Variants in EMC2 observed in about 807,000 individuals in gnomAD.
EMC2 encodes ER membrane protein complex subunit 2, also known as TPR repeat protein 35.
In EMC2, 37 loss-of-function variants were observed where a neutral mutation model predicts 51.6. The observed-to-expected ratio is 0.72, with a 90% CI of 0.55 to 0.94. The LOEUF is 0.94. EMC2 is among the 40% of genes least tolerant of loss of function. The probability of loss-of-function intolerance (pLI) is 0.00; values close to 1 mark genes in which losing one functional copy is unlikely to be tolerated. For missense variants in EMC2, 359 were observed against 350.9 expected (o/e 1.02, Z -0.18); for synonymous variants, 131 against 112.4 (o/e 1.17, Z -1.04).
intron 5 of EMC2, among the ~76,000 whole-genome samples, chr8:108,466,448 T>A (rs1198596215): frequency 2.0e-5 from 1 of 50,074 alleles, no homozygotes. Flanking sequence ...TAGAATTTTT[T>A]TTTTTTTTTT....
At chr8:108,447,585 ATAAT>A (rs1355959280) in intron 1 of EMC2, among the ~76,000 whole-genome samples, 4 of 152,224 alleles carry the variant, frequency 2.6e-5, no homozygotes, top group African/African-American at 7.2e-5. Flanking sequence ...TAAAGAAATC[ATAAT>A]TAAGTAGCAG....
chr8:108,450,076 GAT>G, intron 2 of EMC2, 140 bp downstream of exon 2: 2 of 518,322 alleles, frequency 3.9e-6, no homozygotes, highest in Non-Finnish European at 6.9e-6. Flanking sequence ...GAATTTTAAT[GAT>G]AGTTTATTTT....
intron 5 of EMC2, chr8:108,464,063 T>C (rs1234394380): frequency 6.6e-6 from 1 of 152,240 alleles, no homozygotes; most frequent in Non-Finnish European, 1.5e-5. Context: ...GGGGCCAGAC[T>C]GTGACGTGGG....
intron 10 of EMC2, among the ~76,000 whole-genome samples, chr8:108,480,471 G>T (rs1026333494): frequency 6.6e-6 from 1 of 152,068 alleles, no homozygotes; most frequent in Non-Finnish European, 1.5e-5. Flanking sequence ...GTCTTTCTTA[G>T]AACTGAGTAT....
chr8:108,453,001 C>A, intron 3 of EMC2, 61 bp from the exon 4 acceptor site: 1 of 796,350 alleles, frequency 1.3e-6, no homozygotes. Context: ...CTATATAGGC[C>A]ATCCATTGTA....
rs1224820260 is a variant in EMC2 at position 108,469,900 on chromosome 8, G to A, written c.438G>A (p.Glu146=). ...KNVEAIRELN[E]YLEQFVGDQE... The stretch of plus-strand genomic sequence containing the variant: ...TGGAGGCCATTCGGGAGCTGAATGA[G>A]TATCTGGAACAGTGAGTATTTTACA... Residue 146 remains glutamate, a synonymous_variant, in exon 6 of 11, where the codon GAG becomes GAA. Transcript: ENST00000220853. The A allele has an allele frequency of 2.5e-6, 4 of 1,611,078 alleles. No individual in the cohort carries two copies. The highest frequency in any genetic ancestry group is 2.2e-5 in the East Asian group (1 of 44,848).
At chr8:108,470,895 A>G (rs150216501) in intron 7 of EMC2, 75 of 152,148 alleles carry the variant, frequency 4.9e-4, no homozygotes, top group African/African-American at 1.8e-3. Context: ...GTGCATGAAT[A>G]TTTAACCTTG....
intron 5 of EMC2, among the ~76,000 whole-genome samples, chr8:108,458,388 T>C (rs1819219552): frequency 6.6e-6 from 1 of 152,206 alleles, no homozygotes; most frequent in Non-Finnish European, 1.5e-5. Context: ...ACTTCCATAC[T>C]ACCCTAGCAG....
chr8:108,480,520 A>C (rs1399535283), intron 10 of EMC2, among the ~76,000 whole-genome samples: 1 of 152,202 alleles, frequency 6.6e-6, no homozygotes, highest in African/African-American at 2.4e-5. Flanking sequence ...GTGACTCAGA[A>C]AGATTTTCTG....
Position 108,455,884 on chromosome 8 carries a change from C to A in EMC2, c.317C>A (p.Ala106Asp). The change falls in exon 5 of 11, where the codon GCT (alanine) becomes GAT (aspartate). Residue 106 changes from alanine (A) to aspartate (D), a missense_variant. Coordinates refer to ENST00000220853, the MANE Select transcript of EMC2 (RefSeq NM_014673.5). Reference sequence around the variant, plus strand: ...TTCTTTTTAAATAGATATGATGATGCTATACAGCTATATGATAGGATTTTA... The same window carrying A: ...TTCTTTTTAAATAGATATGATGATGATATACAGCTATATGATAGGATTTTA... ...RFEAMERYDDAIQLYDRILQE... is the reference protein window; with the variant it reads ...RFEAMERYDDDIQLYDRILQE... 1 of 1,250,656 alleles carries A rather than the reference C, an allele frequency of 8.0e-7. No individual in the cohort carries two copies. Among genetic ancestry groups the A allele is most frequent in the Non-Finnish European group, 1.1e-6 (1 of 894,388 alleles). The allele number at this position is 1,250,656 out of a possible 1,614,324, so 77.5% of individuals were successfully genotyped here.
intron 5 of EMC2, among the ~76,000 whole-genome samples, chr8:108,467,120 G>A (rs927775636): frequency 1.3e-5 from 2 of 152,098 alleles, no homozygotes; most frequent in South Asian, 4.1e-4. Flanking sequence ...AATTTGTGAT[G>A]TATTCATTTA....
rs1044491735 is a variant in EMC2 at position 108,486,672 on chromosome 8, A to G, written c.*74A>G. The G allele has an allele frequency of 1.4e-6, 2 of 1,424,942 alleles. No individual in the cohort carries two copies. The highest frequency in any genetic ancestry group is 4.5e-5 in the Admixed American group (2 of 44,056). 88.3% of individuals were successfully genotyped at this position (1,424,942 alleles called of 1,614,324 possible). On this transcript the variant is annotated 3_prime_UTR_variant, in exon 11 of 11. Transcript: ENST00000220853. ...TTATTGGCCTGTAACTTATTTACTA[A>G]ATGCTCAGTGCTATTTATATACTAC...
intron 5 of EMC2, among the ~76,000 whole-genome samples, chr8:108,462,546 TAC>T (rs939355775): frequency 6.6e-6 from 1 of 152,146 alleles, no homozygotes; most frequent in African/African-American, 2.4e-5. Context: ...TGATTGATGT[TAC>T]AAATTTCCTT....
Position 108,453,153 on chromosome 8 carries a change from C to T in EMC2, c.305+6C>T. The T allele has an allele frequency of 6.5e-7, 1 of 1,549,738 alleles. No individual in the cohort carries two copies. Among genetic ancestry groups the T allele is most frequent in the Non-Finnish European group, 8.8e-7 (1 of 1,135,050 alleles). ...AGATTTGAAGCCATGGAAAGGTAACCAAATCTTATCAGCTGGCAGGCATGG... is the reference window on the plus strand; with the variant it reads ...AGATTTGAAGCCATGGAAAGGTAACTAAATCTTATCAGCTGGCAGGCATGG... On this transcript the variant is annotated splice_donor_region_variant and intron_variant, in intron 4 of 10. Coordinates refer to ENST00000220853, the MANE Select transcript of EMC2 (RefSeq NM_014673.5).
At chr8:108,457,507 G>A (rs1267848120) in intron 5 of EMC2, among the ~76,000 whole-genome samples, 2 of 152,078 alleles carry the variant, frequency 1.3e-5, no homozygotes, top group East Asian at 3.8e-4. Flanking sequence ...GGCTGGGGAG[G>A]CCTCACAATC....
intron 5 of EMC2, among the ~76,000 whole-genome samples, chr8:108,456,605 CTTTAA>C (rs773457023): frequency 1.3e-5 from 2 of 151,960 alleles, no homozygotes; most frequent in African/African-American, 4.8e-5. Flanking sequence ...AAACATACCC[CTTTAA>C]TTTAGTGTAA....
chr8:108,485,834 A>G (rs1251728792), intron 10 of EMC2, among the ~76,000 whole-genome samples: 1 of 151,622 alleles, frequency 6.6e-6, no homozygotes, highest in Non-Finnish European at 1.5e-5. Context: ...TTTTGTTTTC[A>G]TAGTAAAATC....
intron 5 of EMC2, among the ~76,000 whole-genome samples, chr8:108,468,169 A>C (rs149892590): frequency 1.5e-4 from 23 of 152,302 alleles, no homozygotes; most frequent in African/African-American, 5.3e-4. Flanking sequence ...AAGTTTCCTG[A>C]TTATATGTTA....
intron 7 of EMC2, among the ~76,000 whole-genome samples, chr8:108,471,332 A>G (rs889976820): frequency 6.6e-6 from 1 of 151,894 alleles, no homozygotes; most frequent in Non-Finnish European, 1.5e-5. Context: ...GGTGACAGTC[A>G]TTTAACATTT....
Sources: gnomAD v4.1 joint callset for allele counts (sites outside exome capture counted in the v4.1 genomes callset) on GRCh38, gnomAD v4.1.1 for gene constraint, MANE v1.5 for transcripts, NCBI Gene and HGNC (gene_info 2026-07-23, HGNC 2026-07-21) for gene names.